The following ZNF423 variants were observed in gnomAD, a reference collection of about 807,000 sequenced individuals.
ZNF423 encodes the protein Ebf-associated zinc finger protein.
A neutral mutation model predicts 95.8 loss-of-function variants in ZNF423; 12 were observed. The observed-to-expected ratio is 0.13, with a 90% confidence interval of 0.08 to 0.20. The LOEUF (loss-of-function observed/expected upper bound fraction) is 0.20. Among genes scored for constraint, ZNF423 ranks in the 10% least tolerant of loss-of-function variants. The pLI, the probability that ZNF423 is intolerant of heterozygous loss-of-function variation, is 1.00. For missense variants in ZNF423, 1,316 were observed against 1,737.1 expected (o/e 0.76, Z 4.31); for synonymous variants, 749 against 711.9 (o/e 1.05, Z -0.83).
At chr16:49,761,061 C>T (rs1398652222) in intron 2 of ZNF423, among the ~76,000 whole-genome samples, 1 of 151,554 alleles carries the variant, frequency 6.6e-6, no homozygotes, top group Non-Finnish European at 1.5e-5. Flanking sequence ...TGCACACACA[C>T]ACACATGCAC....
Position 49,525,357 on chromosome 16 carries a change from C to T in ZNF423, c.3733+6G>A, listed in dbSNP as rs201541196. 2 of 1,613,984 alleles carry T rather than the reference C, an allele frequency of 1.2e-6. No individual in the cohort carries two copies. The highest frequency in any genetic ancestry group is 2.2e-5 in the South Asian group (2 of 91,058). The stretch of plus-strand genomic sequence containing the variant: ...TCCCCTGAGGGGCACAAGCTGGGTA[C>T]CTTACCTGTGAAACACACGGGGCAT... On this transcript the variant is annotated splice_donor_region_variant and intron_variant, in intron 6 of 7. Transcript: ENST00000563137.
At chr16:49,817,301 G>T (rs2034871216) in intron 1 of ZNF423, among the ~76,000 whole-genome samples, 1 of 152,174 alleles carries the variant, frequency 6.6e-6, no homozygotes, top group Non-Finnish European at 1.5e-5. Context: ...CTGATCTTAG[G>T]TCTAGACAAC....
chr16:49,592,453 A>G (rs1249371448), intron 5 of ZNF423, among the ~76,000 whole-genome samples: 1 of 152,226 alleles, frequency 6.6e-6, no homozygotes, highest in Admixed American at 6.5e-5. Context: ...ATAAAGCATA[A>G]AATGCAGTTT....
intron 5 of ZNF423, among the ~76,000 whole-genome samples, chr16:49,606,351 G>T (rs1285344118): frequency 6.6e-6 from 1 of 152,144 alleles, no homozygotes; most frequent in Non-Finnish European, 1.5e-5. Flanking sequence ...GCGAGGAAAT[G>T]GTGTCATGCC....
chr16:49,503,701 C>T (rs1292548793), intron 7 of ZNF423, among the ~76,000 whole-genome samples: 1 of 152,192 alleles, frequency 6.6e-6, no homozygotes, highest in Non-Finnish European at 1.5e-5. Flanking sequence ...GCACCATGGC[C>T]AACTGCCCCT....
intron 5 of ZNF423, among the ~76,000 whole-genome samples, chr16:49,606,068 G>A (rs967632635): frequency 3.3e-5 from 5 of 152,198 alleles, no homozygotes; most frequent in East Asian, 1.9e-4. Flanking sequence ...TGCAGCCAGC[G>A]CCATTGTCAT....
intron 2 of ZNF423, among the ~76,000 whole-genome samples, chr16:49,775,698 G>A (rs145846330): frequency 6.6e-6 from 1 of 152,288 alleles, no homozygotes; most frequent in African/African-American, 2.4e-5. Flanking sequence ...CCTGCCCACT[G>A]CTGCCTCCTC....
At chr16:49,790,561 G>A (rs1030728262) in intron 1 of ZNF423, among the ~76,000 whole-genome samples, 3 of 152,226 alleles carry the variant, frequency 2.0e-5, no homozygotes, top group African/African-American at 7.2e-5. Context: ...ATGCTATCCA[G>A]AACCCTAGCA....
At chr16:49,734,634 G>A (rs1171476005) in intron 2 of ZNF423, among the ~76,000 whole-genome samples, 1 of 152,202 alleles carries the variant, frequency 6.6e-6, no homozygotes, top group Non-Finnish European at 1.5e-5. Flanking sequence ...GGGAAGGCCC[G>A]AGCCAAATGG....
At chr16:49,537,571 G>T (rs190474784) in intron 5 of ZNF423, among the ~76,000 whole-genome samples, 3 of 152,290 alleles carry the variant, frequency 2.0e-5, no homozygotes, top group East Asian at 3.9e-4. Flanking sequence ...CCAGTATTGG[G>T]TCTACTCTGG....
At chr16:49,854,259 G>T (rs1005651255) in intron 1 of ZNF423, 1 of 985,210 alleles carries the variant, frequency 1.0e-6, no homozygotes. Flanking sequence ...GAGTAGGAAC[G>T]GGCCGGGCGC....
Position 49,556,111 on chromosome 16 carries a change from C to T in ZNF423, c.3602-30617G>A, listed in dbSNP as rs1969818209. On this transcript the variant is annotated intron_variant, in intron 5 of 7. Coordinates refer to ENST00000563137, the MANE Select transcript of ZNF423 (RefSeq NM_001379286.1). Reference sequence around the variant, plus strand: ...GGCTGAGTTTTCAAGCCCACAAGATCACTGGTCTCTTCCGACCTTCGGAGC... The same window carrying T: ...GGCTGAGTTTTCAAGCCCACAAGATTACTGGTCTCTTCCGACCTTCGGAGC... Among the ~76,000 whole-genome samples, 10 of 152,308 alleles carry T rather than the reference C, an allele frequency of 6.6e-5. No homozygotes were observed. In the South Asian group the frequency reaches 2.1e-3, roughly 32 times the overall value.
chr16:49,516,593 C>T (rs1295153806), intron 7 of ZNF423, among the ~76,000 whole-genome samples: 3 of 152,208 alleles, frequency 2.0e-5, no homozygotes, highest in Non-Finnish European at 4.4e-5. Context: ...CTCCCTGCTT[C>T]ACTCTTGGCA....
intron 3 of ZNF423, among the ~76,000 whole-genome samples, chr16:49,677,315 G>GGGAA (rs1567284187): frequency 6.2e-4 from 11 of 17,626 alleles, no homozygotes; most frequent in Non-Finnish European, 1.4e-3. Context: ...AGAGAAAGGA[G>GGGAA]GGGAAGGGAG....
intron 5 of ZNF423, among the ~76,000 whole-genome samples, chr16:49,590,756 C>T (rs762109181): frequency 1.3e-5 from 2 of 152,196 alleles, no homozygotes; most frequent in African/African-American, 2.4e-5. Context: ...AATTAACACC[C>T]GCACTTGATG....
chr16:49,628,318 A>G (rs1448014879), intron 4 of ZNF423, among the ~76,000 whole-genome samples: 2 of 148,678 alleles, frequency 1.3e-5, no homozygotes, highest in Non-Finnish European at 3.0e-5. Context: ...CCATTCATCC[A>G]TCTTCCATCT....
intron 2 of ZNF423, among the ~76,000 whole-genome samples, chr16:49,771,179 CT>C (rs1240856239): frequency 3.3e-3 from 394 of 121,172 alleles, no homozygotes; most frequent in African/African-American, 8.3e-3. Context: ...TCTTGAATTT[CT>C]TTTTTTTTTT....
intron 4 of ZNF423, among the ~76,000 whole-genome samples, chr16:49,631,227 A>G (rs149975444): frequency 6.6e-6 from 1 of 152,134 alleles, no homozygotes; most frequent in Non-Finnish European, 1.5e-5. Context: ...TTCTGACACA[A>G]GTATACACAC....
intron 5 of ZNF423, among the ~76,000 whole-genome samples, chr16:49,565,734 G>A (rs1597111007): frequency 6.6e-6 from 1 of 152,164 alleles, no homozygotes; most frequent in African/African-American, 2.4e-5. Flanking sequence ...TGAAATGCTT[G>A]CCAAATATTA....
Sources: gnomAD v4.1 joint callset for allele counts (sites outside exome capture counted in the v4.1 genomes callset) on GRCh38, gnomAD v4.1.1 for gene constraint, MANE v1.5 for transcripts, NCBI Gene and HGNC (gene_info 2026-07-23, HGNC 2026-07-21) for gene names.